Variants in TRABD2B observed in about 807,000 individuals in gnomAD.
TRABD2B encodes the protein TraB domain containing 2B, also known as metalloprotease TIKI2.
In TRABD2B, 14 loss-of-function variants were observed where a neutral mutation model predicts 40.1. That is an observed-to-expected ratio of 0.35 (90% CI 0.23 to 0.55). The LOEUF is 0.55. Among genes scored for constraint, TRABD2B ranks in the 20% least tolerant of loss-of-function variants. The pLI, the probability that TRABD2B is intolerant of heterozygous loss-of-function variation, is 0.90. For synonymous variants in TRABD2B, 263 were observed against 277.0 expected (o/e 0.95, Z 0.50); for missense variants, 541 against 648.6 (o/e 0.83, Z 1.80).
At chr1:47,836,805 T>G (rs1570087617) in intron 2 of TRABD2B, among the ~76,000 whole-genome samples, 1 of 152,166 alleles carries the variant, frequency 6.6e-6, no homozygotes, top group Admixed American at 6.5e-5. Context: ...TTCCACCATA[T>G]GAGGACACAG....
chr1:47,799,907 G>A (rs748363997), intron 3 of TRABD2B, among the ~76,000 whole-genome samples: 39 of 152,200 alleles, frequency 2.6e-4, no homozygotes, highest in Non-Finnish European at 2.9e-4. Context: ...TCATAGCAAG[G>A]ATCACACTTT....
intron 2 of TRABD2B, among the ~76,000 whole-genome samples, chr1:47,848,200 G>A (rs1645498646): frequency 6.6e-6 from 1 of 152,180 alleles, no homozygotes; most frequent in African/African-American, 2.4e-5. Flanking sequence ...AAGTAATTCA[G>A]GCACTTAATA....
chr1:47,890,325 TTAG>T (rs1644427504), intron 2 of TRABD2B, among the ~76,000 whole-genome samples: 1 of 152,076 alleles, frequency 6.6e-6, no homozygotes. Context: ...ACTGCCCCAG[TTAG>T]TAGCAATGGC....
intron 2 of TRABD2B, among the ~76,000 whole-genome samples, chr1:47,981,319 C>T (rs375525483): frequency 2.0e-5 from 3 of 152,320 alleles, no homozygotes; most frequent in East Asian, 3.9e-4. Flanking sequence ...CGGCCACATT[C>T]TCTCTTTTCC....
chr1:47,896,724 G>A (rs1170705520), intron 2 of TRABD2B, among the ~76,000 whole-genome samples: 1 of 152,148 alleles, frequency 6.6e-6, no homozygotes, highest in African/African-American at 2.4e-5. Context: ...TCTAGATTCC[G>A]ACTGGCCTGG....
At chr1:47,995,264 G>A (rs1646073065) in intron 1 of TRABD2B, among the ~76,000 whole-genome samples, 1 of 152,198 alleles carries the variant, frequency 6.6e-6, no homozygotes, top group Non-Finnish European at 1.5e-5. Flanking sequence ...TGGGGTGTCA[G>A]CTACTTTGCT....
At chr1:47,859,312 C>T (rs1019406779) in intron 2 of TRABD2B, among the ~76,000 whole-genome samples, 2 of 152,198 alleles carry the variant, frequency 1.3e-5, no homozygotes, top group African/African-American at 4.8e-5. Context: ...CAGCCTCACA[C>T]TGGCTGGGAA....
intron 2 of TRABD2B, among the ~76,000 whole-genome samples, chr1:47,843,828 G>A (rs1433296220): frequency 6.6e-6 from 1 of 152,170 alleles, no homozygotes; most frequent in East Asian, 1.9e-4. Flanking sequence ...GATGAGTGGG[G>A]TGTGGAGCCT....
At chr1:47,766,562 A>C (rs1187313094) in intron 6 of TRABD2B, among the ~76,000 whole-genome samples, 1 of 152,218 alleles carries the variant, frequency 6.6e-6, no homozygotes, top group Non-Finnish European at 1.5e-5. Flanking sequence ...TGCCATTATC[A>C]TAACTACCGC....
chr1:47,812,760 T>C (rs1644982458), intron 2 of TRABD2B, among the ~76,000 whole-genome samples: 1 of 152,146 alleles, frequency 6.6e-6, no homozygotes, highest in African/African-American at 2.4e-5. Context: ...AAGTGTTAAC[T>C]GCAGAATGAT....
At chr1:47,769,804 G>A (rs935495726) in intron 6 of TRABD2B, among the ~76,000 whole-genome samples, 1 of 152,240 alleles carries the variant, frequency 6.6e-6, no homozygotes, top group Non-Finnish European at 1.5e-5. Context: ...GCTCTAGCCT[G>A]TAGTGCGTTC....
intron 2 of TRABD2B, among the ~76,000 whole-genome samples, chr1:47,805,241 C>T (rs981925728): frequency 6.6e-6 from 1 of 151,614 alleles, no homozygotes; most frequent in Admixed American, 6.5e-5. Context: ...TTCATCCACA[C>T]ACACTGCCAC....
chr1:47,862,909 G>C (rs117185590), intron 2 of TRABD2B, among the ~76,000 whole-genome samples: 146 of 152,130 alleles, frequency 9.6e-4, no homozygotes, highest in Non-Finnish European at 1.8e-3. Flanking sequence ...AACAGAAAAG[G>C]GTGCCCAGAA....
chr1:47,977,551 C>T (rs1274494597), intron 2 of TRABD2B, among the ~76,000 whole-genome samples: 2 of 151,930 alleles, frequency 1.3e-5, no homozygotes, highest in East Asian at 1.9e-4. Flanking sequence ...ATTTTATATA[C>T]GTGAAGACTG....
intron 2 of TRABD2B, among the ~76,000 whole-genome samples, chr1:47,845,437 A>G (rs1645456183): frequency 6.6e-6 from 1 of 152,206 alleles, no homozygotes; most frequent in South Asian, 2.1e-4. Flanking sequence ...GCTAATTTTC[A>G]AAACAATCTA....
At chr1:47,776,991 C>T (rs540440981) in intron 5 of TRABD2B, among the ~76,000 whole-genome samples, 2 of 152,196 alleles carry the variant, frequency 1.3e-5, no homozygotes, top group African/African-American at 4.8e-5. Flanking sequence ...TTCCCGCCCC[C>T]CTCCGCCCTG....
chr1:47,789,084 G>A (rs1644635842), intron 4 of TRABD2B, among the ~76,000 whole-genome samples: 1 of 152,188 alleles, frequency 6.6e-6, no homozygotes, highest in South Asian at 2.1e-4. Flanking sequence ...ACTTCATTCT[G>A]TGTGATTTGG....
At chr1:47,854,584 GCCACA>G (rs10552672) in intron 2 of TRABD2B, among the ~76,000 whole-genome samples, 48,211 of 151,670 alleles carry the variant, frequency 0.32, 7,907 homozygotes, top group Non-Finnish European at 0.37. Context: ...AGTGTAGGGT[GCCACA>G]AGCCACTTTA....
chr1:47,993,155 T>C (rs1646036993), intron 2 of TRABD2B, among the ~76,000 whole-genome samples: 3 of 152,170 alleles, frequency 2.0e-5, no homozygotes, highest in Admixed American at 1.3e-4. Flanking sequence ...AGCCCCATCT[T>C]GGGGCCTCCT....
Sources: allele counts gnomAD v4.1 joint callset (sites outside exome capture counted in the v4.1 genomes callset), GRCh38; gene constraint gnomAD v4.1.1; transcripts MANE v1.5; gene names NCBI Gene and HGNC (gene_info 2026-07-23, HGNC 2026-07-21).